Variants in CNBD1 observed in about 807,000 individuals in gnomAD.
CNBD1 encodes cyclic nucleotide binding domain containing 1, also known as cyclic nucleotide-binding domain-containing protein 1.
CNBD1 carries 71 observed loss-of-function variants against 54.4 expected under a neutral mutation model. The observed-to-expected ratio is 1.30, with a 90% CI of 1.08 to 1.59. The LOEUF (loss-of-function observed/expected upper bound fraction) is 1.59. Among genes scored for constraint, CNBD1 ranks in the 40% most tolerant of loss-of-function variants. CNBD1 has a pLI of 0.00. For missense variants in CNBD1, 659 were observed against 518.0 expected (o/e 1.27, Z -2.64); for synonymous variants, 182 against 170.7 (o/e 1.07, Z -0.51).
chr8:87,248,064 C>T (rs184404426), intron 6 of CNBD1, among the ~76,000 whole-genome samples: 1 of 152,240 alleles, frequency 6.6e-6, no homozygotes, highest in East Asian at 1.9e-4. Context: ...AATTGTTCTG[C>T]AGCTGTGGTG....
intron 4 of CNBD1, among the ~76,000 whole-genome samples, chr8:87,134,878 GGATTACAGGCGTGAGCCACCAC>G (rs1443166413): frequency 6.6e-6 from 1 of 151,742 alleles, no homozygotes; most frequent in Non-Finnish European, 1.5e-5. Context: ...CAAAGTGCTG[GGATTACAGGCGTGAGCCACCAC>G]GCCCAGCCAG....
intron 4 of CNBD1, among the ~76,000 whole-genome samples, chr8:87,115,384 G>A (rs1811747770): frequency 6.6e-6 from 1 of 151,990 alleles, no homozygotes; most frequent in Non-Finnish European, 1.5e-5. Flanking sequence ...GTAGATTAAG[G>A]TATTTACCAT....
intron 4 of CNBD1, among the ~76,000 whole-genome samples, chr8:86,992,254 C>T (rs1004170656): frequency 4.0e-5 from 6 of 151,840 alleles, no homozygotes; most frequent in African/African-American, 1.2e-4. Context: ...TACGCCTTAT[C>T]GTTAGGTAAT....
chr8:87,137,049 T>A (rs1424722394), intron 4 of CNBD1, among the ~76,000 whole-genome samples: 1 of 29,852 alleles, frequency 3.3e-5, no homozygotes, highest in Non-Finnish European at 5.9e-5. Flanking sequence ...CTATGTAAAT[T>A]ATATATATTA....
intron 8 of CNBD1, among the ~76,000 whole-genome samples, chr8:87,306,068 C>A (rs1004809695): frequency 1.1e-4 from 17 of 152,078 alleles, no homozygotes; most frequent in Admixed American, 8.5e-4. Context: ...AGAAAAAAAA[C>A]CATCCCATCA....
At chr8:87,206,566 G>A (rs1813980399) in intron 5 of CNBD1, among the ~76,000 whole-genome samples, 1 of 151,978 alleles carries the variant, frequency 6.6e-6, no homozygotes, top group African/African-American at 2.4e-5. Context: ...GATTTTCATA[G>A]GTAAAACAGC....
intron 4 of CNBD1, among the ~76,000 whole-genome samples, chr8:87,081,547 C>T (rs1184178825): frequency 6.1e-5 from 9 of 148,752 alleles, no homozygotes; most frequent in Non-Finnish European, 1.3e-4. Context: ...TGCTCTGCCT[C>T]CAGGCTGGAG....
chr8:87,296,896 G>A (rs1185938151), intron 8 of CNBD1, among the ~76,000 whole-genome samples: 2 of 151,666 alleles, frequency 1.3e-5, no homozygotes, highest in Admixed American at 1.3e-4. Context: ...AAAAAATAAG[G>A]CCAGCGTGGT....
chr8:87,034,608 C>T (rs1809868327), intron 4 of CNBD1, among the ~76,000 whole-genome samples: 1 of 152,088 alleles, frequency 6.6e-6, no homozygotes, highest in Non-Finnish European at 1.5e-5. Flanking sequence ...TAAATTTTAA[C>T]ATTTTATAAT....
intron 4 of CNBD1, among the ~76,000 whole-genome samples, chr8:86,968,693 CT>C (rs1469093524): frequency 2.6e-5 from 4 of 152,246 alleles, no homozygotes; most frequent in African/African-American, 7.2e-5. Flanking sequence ...CCTTTTGAGT[CT>C]TTGATCAGCC....
chr8:87,268,316 G>A (rs554343811), intron 6 of CNBD1, among the ~76,000 whole-genome samples: 3 of 152,242 alleles, frequency 2.0e-5, no homozygotes, highest in African/African-American at 7.2e-5. Context: ...TTAGTTCATG[G>A]TGTATATGTA....
intron 4 of CNBD1, among the ~76,000 whole-genome samples, chr8:86,946,325 G>A (rs751776680): frequency 3.5e-4 from 53 of 151,908 alleles, no homozygotes; most frequent in Admixed American, 3.9e-4. Context: ...AAAGTTGCCC[G>A]GAAAATTTTC....
intron 8 of CNBD1, among the ~76,000 whole-genome samples, chr8:87,324,703 A>G (rs1809630225): frequency 6.6e-6 from 1 of 151,404 alleles, no homozygotes. Flanking sequence ...TTTTTTTCTT[A>G]GTAGTCTTGC....
At chr8:87,242,398 T>C (rs921017499) in intron 6 of CNBD1, among the ~76,000 whole-genome samples, 4 of 152,204 alleles carry the variant, frequency 2.6e-5, no homozygotes, top group African/African-American at 9.6e-5. Context: ...CCTGGAGGCT[T>C]CATCTGCATA....
intron 4 of CNBD1, among the ~76,000 whole-genome samples, chr8:87,199,479 T>C (rs1191791056): frequency 6.6e-6 from 1 of 152,232 alleles, no homozygotes; most frequent in East Asian, 1.9e-4. Flanking sequence ...GCTATGTACA[T>C]ATCCATCACC....
In CNBD1 at chr8:87,111,443, A is replaced by T. The variant is rs185579954; in HGVS notation, c.432-94550A>T. Among the ~76,000 whole-genome samples, 30 of 152,318 alleles carry T rather than the reference A, an allele frequency of 2.0e-4. No individual in the cohort carries two copies. In the East Asian group the frequency reaches 5.6e-3, roughly 28 times the overall value. The stretch of plus-strand genomic sequence containing the variant: ...TCCACAACCTTTAAAATATGTAGGT[A>T]TTCCCCTTTTCTCAGTGTGTACTTA... On this transcript the variant is annotated intron_variant, in intron 4 of 10. Coordinates refer to ENST00000518476, the MANE Select transcript of CNBD1 (RefSeq NM_173538.3).
intron 4 of CNBD1, among the ~76,000 whole-genome samples, chr8:87,042,749 A>C (rs1236363972): frequency 6.6e-6 from 1 of 152,114 alleles, no homozygotes; most frequent in Non-Finnish European, 1.5e-5. Flanking sequence ...ATGTGTTATA[A>C]ATAATTATAC....
chr8:87,278,981 T>A (rs1808536926), intron 6 of CNBD1, among the ~76,000 whole-genome samples: 1 of 151,522 alleles, frequency 6.6e-6, no homozygotes, highest in Non-Finnish European at 1.5e-5. Context: ...AACTTTGGTC[T>A]GAAAATTCCA....
At chr8:87,356,692 A>C (rs1810426371) in intron 10 of CNBD1, among the ~76,000 whole-genome samples, 2 of 152,210 alleles carry the variant, frequency 1.3e-5, no homozygotes, top group South Asian at 4.1e-4. Context: ...CACTCTAGCT[A>C]TGTGGAAGAG....
Sources: allele counts gnomAD v4.1 joint callset (sites outside exome capture counted in the v4.1 genomes callset), GRCh38; gene constraint gnomAD v4.1.1; transcripts MANE v1.5; gene names NCBI Gene and HGNC (gene_info 2026-07-23, HGNC 2026-07-21).